CASQ1: variants seen among roughly 807,000 people sequenced by gnomAD.
CASQ1 encodes the protein calsequestrin 1, also known as calsequestrin-1.
In CASQ1, 40 loss-of-function variants were observed where a neutral mutation model predicts 49.5. The ratio of observed to expected loss-of-function variants is 0.81; its 90% CI spans 0.63 to 1.05. The LOEUF is 1.05. Ranked by LOEUF, CASQ1 falls within the 50% of genes least tolerant of loss-of-function variation. The pLI, the probability that CASQ1 is intolerant of heterozygous loss-of-function variation, is 0.00. For missense variants in CASQ1, 469 were observed against 486.9 expected, an observed-to-expected ratio of 0.96 and a Z score of 0.35; for synonymous variants, 174 against 187.2, an observed-to-expected ratio of 0.93 and a Z score of 0.58.
intron 3 of CASQ1, among the ~76,000 whole-genome samples, 155 bp from the exon 4 acceptor site, chr1:160,194,857 T>C (rs1654180502): frequency 6.6e-6 from 1 of 150,556 alleles, no homozygotes. Context: ...TCACACACTA[T>C]ACACACACAC....
Position 160,201,526 on chromosome 1 carries a change from C to A in CASQ1, c.*150C>A, listed in dbSNP as rs1049103955. ...ATATGCTGGGTGCTGAGACACTGAT[C>A]CCCCTCATTTGATGAGCAAATGAGC... On this transcript the variant is annotated 3_prime_UTR_variant, in exon 11 of 11. Coordinates refer to ENST00000368078, the MANE Select transcript of CASQ1 (RefSeq NM_001231.5). 3.9e-6 allele frequency: 3 copies of A among 761,872 alleles called. No individual in the cohort carries two copies. Among genetic ancestry groups the A allele is most frequent in the Non-Finnish European group, 6.4e-6 (3 of 466,240 alleles). 47.2% of individuals were successfully genotyped at this position (761,872 alleles called of 1,614,324 possible). A position where few individuals can be genotyped will look rare whatever the true frequency, so the allele number is the denominator to read the frequency against.
At chr1:160,199,982 A>G (rs1654331575) in intron 10 of CASQ1, 57 bp downstream of exon 10, 2 of 1,163,348 alleles carry the variant, frequency 1.7e-6, no homozygotes, top group South Asian at 2.5e-5. Context: ...TAGCATAGCT[A>G]GCTCTCCTCC....
rs1261088555 is a variant in CASQ1, at chr1:160,201,687, A to G, written c.*311A>G. 4 of 413,672 alleles carry G rather than the reference A, an allele frequency of 9.7e-6. No homozygotes were observed. Among genetic ancestry groups the G allele is most frequent in the Non-Finnish European group, 9.0e-6 (2 of 221,726 alleles). The allele number at this position is 413,672 out of a possible 1,614,324, so 25.6% of individuals were successfully genotyped here. ...TTGTGATTCTCCTCTAGCCATATATATGGGCCCCATCTCTGTTCTGTTCCC... is the reference window on the plus strand; with the variant it reads ...TTGTGATTCTCCTCTAGCCATATATGTGGGCCCCATCTCTGTTCTGTTCCC... On this transcript the variant is annotated 3_prime_UTR_variant, in exon 11 of 11. Coordinates refer to ENST00000368078, the MANE Select transcript of CASQ1 (RefSeq NM_001231.5).
chr1:160,194,213 A>G (rs1442407139), intron 3 of CASQ1, among the ~76,000 whole-genome samples: 9 of 143,372 alleles, frequency 6.3e-5, no homozygotes, highest in Admixed American at 3.5e-4. Context: ...CACACCACAC[A>G]CTCCACACAC....
intron 1 of CASQ1, 123 bp downstream of exon 1, chr1:160,191,153 C>T: frequency 1.0e-6 from 1 of 985,026 alleles, no homozygotes. Context: ...GGTAGGAACC[C>T]TGTCCTGACC....
chr1:160,201,273 A>G lies in CASQ1; in HGVS notation c.1088A>G (p.Asp363Gly). ...GATAGCGTATGGATGGAAATGGACG[A>G]TGAGGAGGACCTGCCTTCTGCTGAG... Reference protein sequence around the residue: ...DADSVWMEMDDEEDLPSAEEL... With the variant: ...DADSVWMEMDGEEDLPSAEEL... Residue 363 changes from aspartate to glycine, a missense_variant, in exon 11 of 11, where the codon GAT becomes GGT. Coordinates refer to ENST00000368078, the MANE Select transcript of CASQ1 (RefSeq NM_001231.5). 6.2e-7 allele frequency: 1 copy of G among 1,613,604 alleles called. No individual in the cohort carries two copies. The highest frequency in any genetic ancestry group is 8.5e-7 in the Non-Finnish European group (1 of 1,179,818).
chr1:160,201,542 G>T lies in CASQ1; in HGVS notation c.*166G>T. On this transcript the variant is annotated 3_prime_UTR_variant, in exon 11 of 11. Transcript: ENST00000368078. ...GACACTGATCCCCCTCATTTGATGA[G>T]CAAATGAGCTACTTTTCCCTAGACA... The T allele has an allele frequency of 1.5e-6, 1 of 671,492 alleles. No homozygotes were observed. Among genetic ancestry groups the T allele is most frequent in the Non-Finnish European group, 2.5e-6 (1 of 392,234 alleles). 41.6% of individuals were successfully genotyped at this position (671,492 alleles called of 1,614,324 possible).
chr1:160,195,119 A>G lies in CASQ1; in HGVS notation c.573A>G (p.Ser191=), dbSNP rs746833532. 2.8e-4 allele frequency: 446 copies of G among 1,597,016 alleles called. No individual in the cohort carries two copies. The highest frequency in any genetic ancestry group is 3.7e-4 in the Non-Finnish European group (429 of 1,167,484). The change falls in exon 4 of 11, where the codon TCA becomes TCG. Residue 191 remains serine, a synonymous_variant. Coordinates refer to ENST00000368078, the MANE Select transcript of CASQ1 (RefSeq NM_001231.5). ...KLIGYFKSKD[S]EHYKAFEDAA... ...TTGGCTACTTCAAGAGCAAAGACTC[A>G]GAGCGTGGGTAACCCTCAGACTCCA...
At position 160,195,480 on chromosome 1, in the gene CASQ1, T is replaced by C. The variant is rs760096842; in HGVS notation, c.597T>C (p.Asp199=). ...KDSEHYKAFE[D]AAEEFHPYIP... ...CCCCAGATTACAAAGCCTTCGAGGA[T>C]GCAGCTGAGGAGTTTCATCCCTACA... Residue 199 remains aspartate (D), a synonymous_variant, in exon 5 of 11, where the codon GAT becomes GAC. Coordinates refer to ENST00000368078, the MANE Select transcript of CASQ1 (RefSeq NM_001231.5). The C allele has an allele frequency of 2.5e-6, 4 of 1,614,090 alleles. No homozygotes were observed. In the Admixed American group the frequency reaches 5.0e-5, roughly 20 times the overall value.
chr1:160,192,942 A>G, intron 2 of CASQ1, 56 bp downstream of exon 2: 5 of 1,414,976 alleles, frequency 3.5e-6, no homozygotes, highest in Non-Finnish European at 4.0e-6. Flanking sequence ...GGGGAGGCTT[A>G]GGGCGGAGGA....
chr1:160,192,292 C>T (rs1348129564), intron 1 of CASQ1, among the ~76,000 whole-genome samples: 1 of 152,146 alleles, frequency 6.6e-6, no homozygotes, highest in Admixed American at 6.5e-5. Context: ...CTGGCCTTCC[C>T]CAACTCCTCA....
chr1:160,192,054 G>T (rs547390824), intron 1 of CASQ1, among the ~76,000 whole-genome samples: 12 of 152,352 alleles, frequency 7.9e-5, no homozygotes, highest in African/African-American at 2.4e-4. Flanking sequence ...TGTGCTGAGT[G>T]GGGGTAGAGC....
chr1:160,196,008 T>C lies in CASQ1; in HGVS notation c.763T>C (p.Phe255Leu), dbSNP rs780557082. 1.2e-6 allele frequency: 2 copies of C among 1,613,818 alleles called. No homozygotes were observed. Among genetic ancestry groups the C allele is most frequent in the East Asian group, 4.5e-5 (2 of 44,874 alleles). ...KPNSEEEIVN[F>L]VEEHRRSTLR... ...CAATAGCGAAGAGGAGATTGTCAAC[T>C]TCGTGGAGGAGCACAGGAGGTGGGG... Residue 255 changes from phenylalanine (F) to leucine (L), a missense_variant, in exon 6 of 11, where the codon TTC becomes CTC. Transcript: ENST00000368078.
intron 7 of CASQ1, 72 bp from the exon 8 acceptor site, chr1:160,198,605 T>C: frequency 9.2e-7 from 1 of 1,092,524 alleles, no homozygotes; most frequent in Non-Finnish European, 1.4e-6. Context: ...GGATCTGTTC[T>C]GGGCTCCTCA....
In CASQ1 at chr1:160,201,496, G is replaced by A; in HGVS notation, c.*120G>A. On this transcript the variant is annotated 3_prime_UTR_variant, in exon 11 of 11. Transcript: ENST00000368078. ...TATTCTCTGCCATAGAGCTAACTGG[G>A]GTCTATATGCTGGGTGCTGAGACAC... is the stretch of plus-strand genomic sequence containing the variant. The A allele has an allele frequency of 9.3e-7, 1 of 1,078,766 alleles. No homozygotes were observed. The highest frequency in any genetic ancestry group is 1.5e-5 in the South Asian group (1 of 66,336). 66.8% of individuals were successfully genotyped at this position (1,078,766 alleles called of 1,614,324 possible).
Position 160,195,101 on chromosome 1 carries a change from C to T in CASQ1, c.555C>T (p.Tyr185=). 1 of 1,611,006 alleles carries T rather than the reference C, an allele frequency of 6.2e-7. No homozygotes were observed. The highest frequency in any genetic ancestry group is 8.5e-7 in the Non-Finnish European group (1 of 1,178,088). Residue 185 remains tyrosine, a synonymous_variant, in exon 4 of 11, where the codon TAC becomes TAT. Coordinates refer to ENST00000368078, the MANE Select transcript of CASQ1 (RefSeq NM_001231.5). The stretch of plus-strand genomic sequence containing the variant: ...AGGATGAGATCAAACTCATTGGCTA[C>T]TTCAAGAGCAAAGACTCAGAGCGTG... The part of the protein sequence containing the change: ...NIEDEIKLIG[Y]FKSKDSEHYK...
At chr1:160,200,118 T>C (rs901407106) in intron 10 of CASQ1, among the ~76,000 whole-genome samples, 193 bp downstream of exon 10, 1 of 152,224 alleles carries the variant, frequency 6.6e-6, no homozygotes, top group Non-Finnish European at 1.5e-5. Context: ...CAGTGGCTCA[T>C]CCTTCAAGGC....
In CASQ1 at chr1:160,196,033, G is replaced by C. The variant is rs573683635; in HGVS notation, c.782+6G>C. 3.1e-6 allele frequency: 5 copies of C among 1,613,458 alleles called. No homozygotes were observed. Among genetic ancestry groups the C allele is most frequent in the Non-Finnish European group, 4.2e-6 (5 of 1,179,704 alleles). On this transcript the variant is annotated splice_donor_region_variant and intron_variant, in intron 6 of 10. Transcript: ENST00000368078. Reference sequence around the variant, plus strand: ...TTCGTGGAGGAGCACAGGAGGTGGGGACCAAGGGCAACCCTCTCAGCGGGG... The same window carrying C: ...TTCGTGGAGGAGCACAGGAGGTGGGCACCAAGGGCAACCCTCTCAGCGGGG...
At chr1:160,201,092 A>G (rs988698809) in intron 10 of CASQ1, among the ~76,000 whole-genome samples, 153 bp from the exon 11 acceptor site, 4 of 126,172 alleles carry the variant, frequency 3.2e-5, no homozygotes, top group Non-Finnish European at 6.9e-5. Flanking sequence ...CCCATAACCC[A>G]TACCTTCACC....
Sources: gnomAD v4.1 joint callset for allele counts (sites outside exome capture counted in the v4.1 genomes callset) on GRCh38, gnomAD v4.1.1 for gene constraint, MANE v1.5 for transcripts, NCBI Gene and HGNC (gene_info 2026-07-23, HGNC 2026-07-21) for gene names.